TAFA2: variants seen among roughly 807,000 people sequenced by gnomAD.
The protein encoded by TAFA2 is TAFA chemokine like family member 2.
In TAFA2, 7 loss-of-function variants were observed where a neutral mutation model predicts 18.8. That is an observed-to-expected ratio of 0.37 (90% CI 0.21 to 0.70). The LOEUF is 0.70. Ranked by LOEUF, TAFA2 falls within the 30% of genes least tolerant of loss-of-function variation. The pLI is 0.53. For missense variants in TAFA2, 122 were observed against 158.1 expected, an observed-to-expected ratio of 0.77 and a Z score of 1.23; for synonymous variants, 60 against 54.2, an observed-to-expected ratio of 1.11 and a Z score of -0.47.
chr12:62,157,573 A>G (rs77499273), intron 1 of TAFA2, among the ~76,000 whole-genome samples: 7,212 of 152,192 alleles, frequency 0.047, 252 homozygotes, highest in Non-Finnish European at 0.073. Flanking sequence ...CTCCACCTCT[A>G]TCTACCTCAC....
intron 2 of TAFA2, among the ~76,000 whole-genome samples, chr12:61,855,196 A>T (rs1182134446): frequency 6.6e-6 from 1 of 152,166 alleles, no homozygotes; most frequent in Non-Finnish European, 1.5e-5. Flanking sequence ...TTTTCCCCTG[A>T]GATATTCTGC....
chr12:61,711,866 T>A (rs1271296077), intron 4 of TAFA2, among the ~76,000 whole-genome samples: 1 of 152,048 alleles, frequency 6.6e-6, no homozygotes, highest in Non-Finnish European at 1.5e-5. Context: ...TCTTTGAGAT[T>A]CTGGGAGCAG....
At chr12:61,964,749 A>G (rs1329559420) in intron 1 of TAFA2, among the ~76,000 whole-genome samples, 1 of 151,838 alleles carries the variant, frequency 6.6e-6, no homozygotes. Flanking sequence ...TTTCTGCCAT[A>G]TGTTCCTTCC....
At chr12:62,034,326 T>C (rs1881543754) in intron 1 of TAFA2, among the ~76,000 whole-genome samples, 1 of 152,112 alleles carries the variant, frequency 6.6e-6, no homozygotes, top group African/African-American at 2.4e-5. Flanking sequence ...ACCATAAGAA[T>C]AGGAGTCAAA....
intron 2 of TAFA2, among the ~76,000 whole-genome samples, chr12:61,843,817 C>G (rs1262620308): frequency 6.6e-6 from 1 of 152,118 alleles, no homozygotes; most frequent in Non-Finnish European, 1.5e-5. Context: ...TGTAGGTGAA[C>G]TTGTGAAGTA....
intron 1 of TAFA2, among the ~76,000 whole-genome samples, chr12:62,100,654 T>A (rs1354475992): frequency 6.6e-6 from 1 of 152,194 alleles, no homozygotes; most frequent in African/African-American, 2.4e-5. Flanking sequence ...ACAATGAAGA[T>A]CATCACTTGT....
chr12:61,809,756 TA>T (rs1871787661), intron 2 of TAFA2, among the ~76,000 whole-genome samples: 1 of 151,404 alleles, frequency 6.6e-6, no homozygotes. Context: ...AAGCTTATTC[TA>T]AAGTTTCCTT....
At chr12:61,809,528 A>G (rs1871771002) in intron 2 of TAFA2, among the ~76,000 whole-genome samples, 1 of 151,232 alleles carries the variant, frequency 6.6e-6, no homozygotes, top group Non-Finnish European at 1.5e-5. Context: ...TAATAAAAAT[A>G]TGTCATACAT....
At chr12:61,923,787 C>T (rs1471680344) in intron 1 of TAFA2, among the ~76,000 whole-genome samples, 1 of 151,824 alleles carries the variant, frequency 6.6e-6, no homozygotes, top group Non-Finnish European at 1.5e-5. Flanking sequence ...ATAACAAACT[C>T]CTCCGAGCTA....
intron 4 of TAFA2, among the ~76,000 whole-genome samples, chr12:61,719,917 T>G (rs887046792): frequency 6.6e-6 from 1 of 152,198 alleles, no homozygotes; most frequent in African/African-American, 2.4e-5. Context: ...GAGATGATCA[T>G]TCTATATGTG....
intron 1 of TAFA2, among the ~76,000 whole-genome samples, chr12:62,159,715 T>G (rs2062393669): frequency 6.7e-6 from 1 of 149,214 alleles, no homozygotes. Context: ...GGGGGAAGAG[T>G]GGGAGGGGGA....
Position 62,142,765 on chromosome 12 carries a change from C to T in TAFA2, c.-2+48494G>A, listed in dbSNP as rs540757655. Among the ~76,000 whole-genome samples, 3 of 152,156 alleles carry T rather than the reference C, an allele frequency of 2.0e-5. No homozygotes were observed. In the East Asian group the frequency reaches 5.8e-4, roughly 29 times the overall value. On this transcript the variant is annotated intron_variant, in intron 1 of 4. Coordinates refer to ENST00000416284, the MANE Select transcript of TAFA2 (RefSeq NM_178539.5). ...AATCTTGGTGGCTTCTTGAAAAACT[C>T]CAATGAAAAAGATCCACCTTTTGTC...
Position 62,045,494 on chromosome 12 carries a change from GCTTT to G in TAFA2, c.-2+145761_-2+145764del, listed in dbSNP as rs1474671259. 5.3e-5 allele frequency among the ~76,000 whole-genome samples: 8 copies of G among 152,246 alleles called. No individual in the cohort carries two copies. The East Asian group carries it at 1.5e-3, about 29-fold the overall frequency. On this transcript the variant is annotated intron_variant, in intron 1 of 4. Transcript: ENST00000416284. ...GAGATGTTACCAGTAAAACAAAGCTGCTTTCTGTCAAAGCAAAGTGCTGTGGATT... is the reference window on the plus strand; with the variant it reads ...GAGATGTTACCAGTAAAACAAAGCTGCTGTCAAAGCAAAGTGCTGTGGATT...
chr12:62,151,856 A>C (rs1001846732), intron 1 of TAFA2, among the ~76,000 whole-genome samples: 1 of 152,360 alleles, frequency 6.6e-6, no homozygotes, highest in Admixed American at 6.5e-5. Context: ...AGACTCAAGA[A>C]ATAAATTCTT....
chr12:62,118,969 T>C (rs915902204), intron 1 of TAFA2, among the ~76,000 whole-genome samples: 1 of 152,170 alleles, frequency 6.6e-6, no homozygotes, highest in Non-Finnish European at 1.5e-5. Flanking sequence ...TTTTCTTTTA[T>C]AGTTAACATG....
chr12:62,038,872 A>G (rs1881682351), intron 1 of TAFA2, among the ~76,000 whole-genome samples: 1 of 152,214 alleles, frequency 6.6e-6, no homozygotes, highest in Non-Finnish European at 1.5e-5. Context: ...AAGCCATGTT[A>G]TACATGATAG....
chr12:62,234,665 A>G (rs1414970970), intron 1 of TAFA2: 2 of 927,314 alleles, frequency 2.2e-6, no homozygotes, highest in East Asian at 4.8e-5. Context: ...AGCGTTTGGT[A>G]TAAGCTTTTC....
chr12:61,911,241 C>G (rs7980354), intron 1 of TAFA2, among the ~76,000 whole-genome samples: 121,680 of 152,142 alleles, frequency 0.8, 49,313 homozygotes, highest in African/African-American at 0.92. Context: ...AGGAGGATCC[C>G]TTCCCTGATT....
At chr12:61,723,635 T>C (rs1327816605) in intron 4 of TAFA2, among the ~76,000 whole-genome samples, 2 of 152,228 alleles carry the variant, frequency 1.3e-5, no homozygotes, top group African/African-American at 4.8e-5. Context: ...GATATTTAAA[T>C]TTATTCTCAC....
Sources: gnomAD v4.1 joint callset for allele counts (sites outside exome capture counted in the v4.1 genomes callset) on GRCh38, gnomAD v4.1.1 for gene constraint, MANE v1.5 for transcripts, NCBI Gene and HGNC (gene_info 2026-07-23, HGNC 2026-07-21) for gene names.